Variants in PDZRN3 observed in about 807,000 individuals in gnomAD.
The protein encoded by PDZRN3 is E3 ubiquitin-protein ligase PDZRN3.
Under a neutral mutation model 85.7 loss-of-function variants are expected in PDZRN3, and 38 were observed. The ratio of observed to expected loss-of-function variants is 0.44; its 90% CI spans 0.34 to 0.58. PDZRN3 has a LOEUF of 0.58. PDZRN3 is among the 20% of genes least tolerant of loss of function. The probability of loss-of-function intolerance (pLI) is 0.01; values close to 1 mark genes in which losing one functional copy is unlikely to be tolerated. For missense variants in PDZRN3, 1,629 were observed against 1,506.4 expected (o/e 1.08, Z -1.35); for synonymous variants, 759 against 638.0 (o/e 1.19, Z -2.86).
At chr3:73,457,351 G>A (rs760906174) in intron 3 of PDZRN3, among the ~76,000 whole-genome samples, 2 of 152,116 alleles carry the variant, frequency 1.3e-5, no homozygotes, top group Non-Finnish European at 2.9e-5. Context: ...GGGATTACAG[G>A]TATGAGCCAC....
intron 1 of PDZRN3, among the ~76,000 whole-genome samples, chr3:73,617,019 C>CAG (rs1702773315): frequency 6.6e-6 from 1 of 152,196 alleles, no homozygotes. Flanking sequence ...ATCTAACCTT[C>CAG]ACCCACGATC....
At chr3:73,402,221 T>C (rs1281926662) in intron 4 of PDZRN3, among the ~76,000 whole-genome samples, 1 of 152,160 alleles carries the variant, frequency 6.6e-6, no homozygotes, top group African/African-American at 2.4e-5. Context: ...TAAGAGGAAA[T>C]TACAGGTTTA....
At chr3:73,549,049 G>C (rs559669065) in intron 3 of PDZRN3, among the ~76,000 whole-genome samples, 1 of 152,182 alleles carries the variant, frequency 6.6e-6, no homozygotes, top group Non-Finnish European at 1.5e-5. Context: ...CAAATGGTTG[G>C]TGGCATATCT....
At chr3:73,588,937 T>A (rs1242487086) in intron 3 of PDZRN3, among the ~76,000 whole-genome samples, 1 of 152,220 alleles carries the variant, frequency 6.6e-6, no homozygotes, top group Non-Finnish European at 1.5e-5. Flanking sequence ...CACTCTGATT[T>A]TTCTCCGATG....
At chr3:73,447,419 C>T (rs1242592179) in intron 3 of PDZRN3, among the ~76,000 whole-genome samples, 1 of 152,092 alleles carries the variant, frequency 6.6e-6, no homozygotes, top group Non-Finnish European at 1.5e-5. Flanking sequence ...TCTGCCACTC[C>T]CCAGTCTTCT....
At chr3:73,390,635 A>AG in intron 6 of PDZRN3, among the ~76,000 whole-genome samples, 1 of 139,378 alleles carries the variant, frequency 7.2e-6, no homozygotes, top group East Asian at 2.2e-4. Flanking sequence ...AGAAAAAAAA[A>AG]TGTGTGTGTG....
chr3:73,559,691 T>C (rs1006377220), intron 3 of PDZRN3, among the ~76,000 whole-genome samples: 2 of 152,296 alleles, frequency 1.3e-5, no homozygotes, highest in East Asian at 3.9e-4. Flanking sequence ...TTAAAATAAG[T>C]TTACACTTTA....
intron 3 of PDZRN3, among the ~76,000 whole-genome samples, chr3:73,437,980 T>C (rs1253787985): frequency 6.6e-6 from 1 of 152,082 alleles, no homozygotes; most frequent in Non-Finnish European, 1.5e-5. Context: ...CCAGTAAAAA[T>C]GAAAAAACTA....
intron 3 of PDZRN3, among the ~76,000 whole-genome samples, chr3:73,435,872 T>A (rs923441598): frequency 6.6e-6 from 1 of 152,196 alleles, no homozygotes; most frequent in Non-Finnish European, 1.5e-5. Context: ...ACTCTTGGAT[T>A]GAAACCCAAA....
intron 3 of PDZRN3, among the ~76,000 whole-genome samples, chr3:73,459,068 G>T (rs575459590): frequency 3.9e-5 from 6 of 152,042 alleles, no homozygotes; most frequent in Admixed American, 6.6e-5. Flanking sequence ...TGCTGGGGAG[G>T]CCTCAGTAAA....
At chr3:73,405,982 G>C (rs1701847122) in intron 3 of PDZRN3, among the ~76,000 whole-genome samples, 1 of 152,218 alleles carries the variant, frequency 6.6e-6, no homozygotes, top group Non-Finnish European at 1.5e-5. Context: ...TTGAGAAATA[G>C]ATGTTGAATT....
At chr3:73,447,075 TATATATATATTAG>T (rs532373370) in intron 3 of PDZRN3, among the ~76,000 whole-genome samples, 273 of 147,666 alleles carry the variant, frequency 1.8e-3, no homozygotes, top group Non-Finnish European at 3.5e-3. Context: ...GCAATATATA[TATATATATATTAG>T]ATATATATAT....
intron 3 of PDZRN3, among the ~76,000 whole-genome samples, chr3:73,531,666 G>C (rs1393901213): frequency 6.6e-6 from 1 of 152,122 alleles, no homozygotes; most frequent in Non-Finnish European, 1.5e-5. Context: ...CTGCCTTCCT[G>C]GTCCAGAGAC....
At chr3:73,607,609 C>T (rs1277239451) in intron 2 of PDZRN3, among the ~76,000 whole-genome samples, 2 of 152,192 alleles carry the variant, frequency 1.3e-5, no homozygotes, top group East Asian at 3.9e-4. Context: ...TTACTACTAT[C>T]TCCTCTTGTC....
intron 3 of PDZRN3, among the ~76,000 whole-genome samples, chr3:73,432,303 C>T (rs892043370): frequency 2.6e-5 from 4 of 152,136 alleles, no homozygotes; most frequent in Admixed American, 6.5e-5. Flanking sequence ...CGCTTTTGCC[C>T]GAGATCTCCA....
intron 3 of PDZRN3, among the ~76,000 whole-genome samples, chr3:73,514,366 T>C (rs1387308588): frequency 1.3e-5 from 2 of 152,204 alleles, no homozygotes; most frequent in Non-Finnish European, 2.9e-5. Flanking sequence ...TGCATGTGTG[T>C]AACAATAAAA....
At chr3:73,418,955 G>GTTTT (rs1702145404) in intron 3 of PDZRN3, among the ~76,000 whole-genome samples, 1 of 152,114 alleles carries the variant, frequency 6.6e-6, no homozygotes, top group Admixed American at 6.5e-5. Flanking sequence ...CTTTGTTGTC[G>GTTTT]AATTGTTAGA....
rs1491373717 is a variant in PDZRN3, at chr3:73,416,875, G to GTTTTT, written c.919-12481_919-12480insAAAAA. Among the ~76,000 whole-genome samples the GTTTTT allele has an allele frequency of 2.7e-4, 11 of 40,750 alleles. 1 individual carries two copies. The highest frequency in any genetic ancestry group is 4.4e-4 in the African/African-American group (6 of 13,786). The allele number at this position is 40,750 out of a possible 152,430, so 26.7% of individuals were successfully genotyped here. A position where few individuals can be genotyped will look rare whatever the true frequency, so the allele number is the denominator to read the frequency against. On this transcript the variant is annotated intron_variant, in intron 3 of 9. Transcript: ENST00000263666. Reference sequence around the variant, plus strand: ...GTTTTTTTTTTGTTTGTTTTTTTTTGGTTTTTTTTTTTTTTTTTTTTTTTT... The same window carrying GTTTTT: ...GTTTTTTTTTTGTTTGTTTTTTTTTGTTTTTGTTTTTTTTTTTTTTTTTTTTTTTT...
chr3:73,595,397 C>T (rs565526362), intron 3 of PDZRN3, among the ~76,000 whole-genome samples: 1 of 152,184 alleles, frequency 6.6e-6, no homozygotes, highest in African/African-American at 2.4e-5. Context: ...GGGATCAGTC[C>T]CTGTGAAGGA....
Sources: gnomAD v4.1 joint callset for allele counts (sites outside exome capture counted in the v4.1 genomes callset) on GRCh38, gnomAD v4.1.1 for gene constraint, MANE v1.5 for transcripts, NCBI Gene and HGNC (gene_info 2026-07-23, HGNC 2026-07-21) for gene names.